Variants in CSMD2 observed in about 807,000 individuals in gnomAD.
CSMD2 encodes the protein CUB and Sushi multiple domains 2, also known as CUB and sushi domain-containing protein 2.
Under a neutral mutation model 398.5 loss-of-function variants are expected in CSMD2, and 130 were observed. That is an observed-to-expected ratio of 0.33 (90% confidence interval 0.28 to 0.38). CSMD2 has a LOEUF of 0.38. CSMD2 is among the 10% of genes least tolerant of loss of function. The pLI is 1.00. For synonymous variants in CSMD2, 1,828 were observed against 1,908.5 expected, an observed-to-expected ratio of 0.96 and a Z score of 1.10; for missense variants, 3,829 against 4,764.9, an observed-to-expected ratio of 0.80 and a Z score of 5.78.
chr1:33,523,940 C>G (rs1247728239), intron 66 of CSMD2, among the ~76,000 whole-genome samples: 2 of 152,164 alleles, frequency 1.3e-5, no homozygotes, highest in Non-Finnish European at 2.9e-5. Context: ...ATCTATTCAA[C>G]AAACACTTAT....
At chr1:33,604,429 G>C (rs1640445969) in intron 42 of CSMD2, among the ~76,000 whole-genome samples, 1 of 152,172 alleles carries the variant, frequency 6.6e-6, no homozygotes, top group South Asian at 2.1e-4. Flanking sequence ...GTCTGAGAGT[G>C]AGCCATCTGT....
At chr1:33,912,011 C>A (rs920488752) in intron 5 of CSMD2, among the ~76,000 whole-genome samples, 1 of 152,134 alleles carries the variant, frequency 6.6e-6, no homozygotes, top group Admixed American at 6.5e-5. Flanking sequence ...TGGTATGCAT[C>A]CTTCTCGACC....
intron 2 of CSMD2, among the ~76,000 whole-genome samples, chr1:34,084,763 C>G (rs1315476156): frequency 6.6e-6 from 1 of 151,798 alleles, no homozygotes; most frequent in Non-Finnish European, 1.5e-5. Context: ...GAAATAGGAA[C>G]ACTTTTACAC....
At chr1:33,964,912 C>T (rs570531464) in intron 3 of CSMD2, among the ~76,000 whole-genome samples, 8 of 152,354 alleles carry the variant, frequency 5.3e-5, no homozygotes, top group African/African-American at 1.9e-4. Context: ...GTGCTCATAA[C>T]ACCTCTCTAG....
chr1:33,783,694 G>C (rs528112652), intron 12 of CSMD2, among the ~76,000 whole-genome samples: 1 of 152,138 alleles, frequency 6.6e-6, no homozygotes, highest in East Asian at 1.9e-4. Flanking sequence ...TACCCCAGGG[G>C]ACATTGTGGT....
intron 13 of CSMD2, among the ~76,000 whole-genome samples, chr1:33,754,781 T>G (rs1318571686): frequency 6.6e-6 from 1 of 152,148 alleles, no homozygotes; most frequent in African/African-American, 2.4e-5. Flanking sequence ...AATTGTTTTT[T>G]GATGGGAGAA....
chr1:33,792,322 G>A, intron 11 of CSMD2, 101 bp downstream of exon 11: 2 of 784,812 alleles, frequency 2.5e-6, no homozygotes, highest in South Asian at 2.9e-5. Flanking sequence ...TACTGTCTTT[G>A]CTGTAGTATG....
At chr1:33,697,174 A>G (rs748395253) in intron 24 of CSMD2, among the ~76,000 whole-genome samples, 2 of 152,172 alleles carry the variant, frequency 1.3e-5, no homozygotes, top group African/African-American at 4.8e-5. Context: ...GCAAATAATT[A>G]TCTTGTAATA....
At chr1:34,111,922 G>A (rs996042989) in intron 1 of CSMD2, among the ~76,000 whole-genome samples, 1 of 152,088 alleles carries the variant, frequency 6.6e-6, no homozygotes, top group African/African-American at 2.4e-5. Context: ...TGCCCCCAGA[G>A]GAAGGACAGA....
At chr1:33,745,197 C>T (rs1286617945) in intron 13 of CSMD2, among the ~76,000 whole-genome samples, 1 of 152,098 alleles carries the variant, frequency 6.6e-6, no homozygotes, top group African/African-American at 2.4e-5. Context: ...TATATGCATG[C>T]TTTTGATTAT....
chr1:33,978,362 C>T (rs903921110), intron 3 of CSMD2, among the ~76,000 whole-genome samples: 3 of 152,098 alleles, frequency 2.0e-5, no homozygotes, highest in Admixed American at 6.5e-5. Context: ...TATTTAGCAC[C>T]GTGTTCCAGG....
intron 2 of CSMD2, among the ~76,000 whole-genome samples, chr1:34,056,728 C>T (rs983943048): frequency 6.6e-6 from 1 of 152,110 alleles, no homozygotes; most frequent in African/African-American, 2.4e-5. Flanking sequence ...GCTATATCAC[C>T]TGGGTTGGAT....
chr1:33,849,596 T>C (rs999074859), intron 5 of CSMD2, among the ~76,000 whole-genome samples: 1 of 152,048 alleles, frequency 6.6e-6, no homozygotes, highest in Non-Finnish European at 1.5e-5. Flanking sequence ...AGATGAGATG[T>C]ACACATTGGG....
At position 34,164,876 on chromosome 1, in the gene CSMD2, G is replaced by A. The variant is rs556643802; in HGVS notation, c.187+35C>T. The A allele has an allele frequency of 2.5e-4, 304 of 1,217,198 alleles. 1 individual carries two copies. In the East Asian group the frequency reaches 5.5e-3, roughly 22 times the overall value. 75.4% of individuals were successfully genotyped at this position (1,217,198 alleles called of 1,614,324 possible). On this transcript the variant is annotated intron_variant, in intron 1 of 70. Transcript: ENST00000373381. This position sits in a 1 kb window ranked among gnomAD's most constrained non-coding sequence, Gnocchi z 6.2. Reference sequence around the variant, plus strand: ...GGCTCGGGGCTCGGGTGGGGCGCGCGGCGGCCGCTGGCTCCTCGGCGCGGC... The same window carrying A: ...GGCTCGGGGCTCGGGTGGGGCGCGCAGCGGCCGCTGGCTCCTCGGCGCGGC...
At chr1:33,610,166 A>AT (rs1307780761) in intron 41 of CSMD2, among the ~76,000 whole-genome samples, 2 of 151,506 alleles carry the variant, frequency 1.3e-5, no homozygotes, top group African/African-American at 4.9e-5. Flanking sequence ...GGCTTATGGT[A>AT]TTTTGTTACA....
intron 4 of CSMD2, among the ~76,000 whole-genome samples, chr1:33,918,576 G>C (rs183181925): frequency 6.6e-6 from 1 of 152,260 alleles, no homozygotes; most frequent in Admixed American, 6.5e-5. Context: ...GGAACCAAAT[G>C]GTCATAAGCA....
chr1:34,098,807 C>A (rs1465378865), intron 1 of CSMD2, among the ~76,000 whole-genome samples: 1 of 152,034 alleles, frequency 6.6e-6, no homozygotes, highest in Non-Finnish European at 1.5e-5. Flanking sequence ...AAAATAAAGT[C>A]ATAAAATAAT....
At chr1:33,718,220 A>G (rs1646237554) in intron 19 of CSMD2, among the ~76,000 whole-genome samples, 1 of 152,202 alleles carries the variant, frequency 6.6e-6, no homozygotes, top group South Asian at 2.1e-4. Context: ...GGCTACAGAA[A>G]GAGAGCAGGT....
chr1:34,103,135 A>G (rs2148417568), intron 1 of CSMD2, among the ~76,000 whole-genome samples: 2 of 151,972 alleles, frequency 1.3e-5, no homozygotes, highest in Middle Eastern at 6.8e-3. Context: ...TTTCAAACTC[A>G]TTACCTTCTC....
Sources: gnomAD v4.1 joint callset for allele counts (sites outside exome capture counted in the v4.1 genomes callset) on GRCh38, gnomAD v4.1.1 for gene constraint, Gnocchi (gnomAD v3.1) non-coding constraint, MANE v1.5 for transcripts, NCBI Gene and HGNC (gene_info 2026-07-23, HGNC 2026-07-21) for gene names.